Variants in ARHGEF28 observed in about 807,000 individuals in gnomAD.
The protein encoded by ARHGEF28 is Rho guanine nucleotide exchange factor 28.
A neutral mutation model predicts 206.6 loss-of-function variants in ARHGEF28; 152 were observed. That is an observed-to-expected ratio of 0.74 (90% CI 0.64 to 0.84). The LOEUF is 0.84. Ranked by LOEUF, ARHGEF28 falls within the 40% of genes least tolerant of loss-of-function variation. The pLI, the probability that ARHGEF28 is intolerant of heterozygous loss-of-function variation, is 0.00. For synonymous variants in ARHGEF28, 763 were observed against 776.4 expected, an observed-to-expected ratio of 0.98 and a Z score of 0.29; for missense variants, 2,028 against 2,073.2, an observed-to-expected ratio of 0.98 and a Z score of 0.42.
chr5:73,813,523 T>C, intron 9 of ARHGEF28: 1 of 1,528,726 alleles, frequency 6.5e-7, no homozygotes, highest in Non-Finnish European at 8.8e-7. Flanking sequence ...GCCTCCTGGC[T>C]GGGGACGCCC....
chr5:73,774,011 A>C lies in ARHGEF28; in HGVS notation c.632A>C (p.His211Pro), dbSNP rs769691914. ...TPLDLALREG[H>P]SKLVEDVTNF... ...TTAGACTTAGCTTTACGTGAAGGACACTCCAAGCTGGTGGAAGACGTCACA... is the reference window on the plus strand; with the variant it reads ...TTAGACTTAGCTTTACGTGAAGGACCCTCCAAGCTGGTGGAAGACGTCACA... Residue 211 changes from histidine to proline, a missense_variant, in exon 5 of 36, where the codon CAC becomes CCC. Physicochemically the swap from His to Pro is moderately conservative, Grantham distance 77. Around this residue, in one of 3 missense-constraint regions of ARHGEF28, gnomAD observed 1,002 missense variants for 1,015.3 expected, o/e 0.99. Transcript: ENST00000513042. 4.1e-5 allele frequency: 65 copies of C among 1,599,814 alleles called. No individual in the cohort carries two copies. The highest frequency in any genetic ancestry group is 5.5e-5 in the Non-Finnish European group (64 of 1,173,234).
Position 73,909,773 on chromosome 5 carries a change from G to A in ARHGEF28, c.4523G>A (p.Arg1508Lys), listed in dbSNP as rs958738410. The A allele has an allele frequency of 1.4e-5, 21 of 1,514,252 alleles. No individual in the cohort carries two copies. Among genetic ancestry groups the A allele is most frequent in the Non-Finnish European group, 1.9e-5 (21 of 1,134,066 alleles). 93.8% of individuals were successfully genotyped at this position (1,514,252 alleles called of 1,614,324 possible). The part of the protein sequence containing the change: ...QEYQHSLERL[R>K]EGQRLVEREQ... ...TACCAGCACAGCCTGGAGCGGCTGA[G>A]GGAGGGCCAGCGCCTGGTGGAGAGG... The change falls in exon 34 of 36, where the codon AGG becomes AAG. Residue 1508 changes from arginine to lysine, a missense_variant. Coordinates refer to ENST00000513042, the MANE Select transcript of ARHGEF28 (RefSeq NM_001177693.2).
intron 18 of ARHGEF28, among the ~76,000 whole-genome samples, chr5:73,867,589 A>G (rs1759789969): frequency 2.6e-5 from 4 of 152,212 alleles, no homozygotes; most frequent in Admixed American, 2.6e-4. Flanking sequence ...AACCTGGCGC[A>G]GTATTTCCCC....
intron 1 of ARHGEF28, among the ~76,000 whole-genome samples, chr5:73,630,929 G>A (rs974452180): frequency 1.3e-5 from 2 of 152,234 alleles, no homozygotes; most frequent in African/African-American, 4.8e-5. Context: ...ATGATGAGCT[G>A]TCACTCTTAT....
intron 2 of ARHGEF28, among the ~76,000 whole-genome samples, chr5:73,725,167 G>A (rs768096653): frequency 6.6e-6 from 1 of 152,088 alleles, no homozygotes. Context: ...AATATTTTCT[G>A]TGTCATTAAA....
intron 2 of ARHGEF28, among the ~76,000 whole-genome samples, chr5:73,749,289 A>G (rs2112395237): frequency 6.6e-6 from 1 of 152,354 alleles, no homozygotes; most frequent in African/African-American, 2.4e-5. Context: ...AAGAATAATT[A>G]TCATGAACTT....
rs796501461 is a variant in ARHGEF28, at chr5:73,896,073, G to A, written c.3841+1498G>A. Among the ~76,000 whole-genome samples the A allele has an allele frequency of 1.3e-4, 20 of 152,242 alleles. 1 individual carries two copies. The highest frequency in any genetic ancestry group is 4.8e-4 in the African/African-American group (20 of 41,530). On this transcript the variant is annotated intron_variant, in intron 29 of 35. Transcript: ENST00000513042. ...ATGCTTTTGTAAAACTTTTAGTGAG[G>A]AAAGACAGACAATACTTACGGAAAA...
In ARHGEF28 at chr5:73,727,857, A is replaced by G. The variant is rs1561360949; in HGVS notation, c.34-21980A>G. Among the ~76,000 whole-genome samples, 4 of 152,264 alleles carry G rather than the reference A, an allele frequency of 2.6e-5. No individual in the cohort carries two copies. In the East Asian group the frequency reaches 7.7e-4, roughly 29 times the overall value. On this transcript the variant is annotated intron_variant, in intron 2 of 35. Transcript: ENST00000513042. ...CAATGCAGAGGACCATGGGGTCATC[A>G]CCTTCCCTGTTCTGCCTACTGTCCT... is the stretch of plus-strand genomic sequence containing the variant.
chr5:73,905,850 T>C (rs554165842), intron 33 of ARHGEF28, among the ~76,000 whole-genome samples: 25 of 152,342 alleles, frequency 1.6e-4, no homozygotes, highest in African/African-American at 5.5e-4. Context: ...AATAATCAAA[T>C]CAACCACCAT....
intron 11 of ARHGEF28, among the ~76,000 whole-genome samples, chr5:73,843,699 A>G (rs1453970533): frequency 2.0e-5 from 3 of 152,210 alleles, no homozygotes; most frequent in Non-Finnish European, 2.9e-5. Flanking sequence ...AAATATGTAT[A>G]CTATGTAACC....
chr5:73,866,760 T>C (rs1288565726), intron 18 of ARHGEF28, among the ~76,000 whole-genome samples: 5 of 152,224 alleles, frequency 3.3e-5, no homozygotes, highest in African/African-American at 9.6e-5. Flanking sequence ...CGCCAATGTC[T>C]CCTAAATTTG....
At chr5:73,813,649 A>G (rs1377598841) in intron 9 of ARHGEF28, 13 of 1,535,752 alleles carry the variant, frequency 8.5e-6, no homozygotes, top group Non-Finnish European at 1.0e-5. Flanking sequence ...CAAAATGAAG[A>G]TTCGAAGAAG....
chr5:73,878,624 T>A (rs1760694174), intron 22 of ARHGEF28, among the ~76,000 whole-genome samples: 1 of 150,450 alleles, frequency 6.6e-6, no homozygotes, highest in Non-Finnish European at 1.5e-5. Context: ...GGCCTGGTGG[T>A]GACAAAATCT....
At chr5:73,662,233 T>A (rs1163557436) in intron 1 of ARHGEF28, among the ~76,000 whole-genome samples, 1 of 152,236 alleles carries the variant, frequency 6.6e-6, no homozygotes, top group East Asian at 1.9e-4. Context: ...CTAGTGTCTT[T>A]ATAATAGTGC....
intron 35 of ARHGEF28, among the ~76,000 whole-genome samples, chr5:73,927,800 T>C (rs1321269693): frequency 6.6e-6 from 1 of 152,230 alleles, no homozygotes; most frequent in Admixed American, 6.5e-5. Context: ...GGACCTTTAT[T>C]CTTATAACAA....
intron 1 of ARHGEF28, among the ~76,000 whole-genome samples, chr5:73,667,750 T>C (rs1746053170): frequency 1.3e-5 from 2 of 152,374 alleles, no homozygotes; most frequent in African/African-American, 4.8e-5. Flanking sequence ...TCTCTCATTT[T>C]ATTATAAGTG....
In ARHGEF28 at chr5:73,760,376, C is replaced by G. The variant is rs187502649; in HGVS notation, c.475+7174C>G. Among the ~76,000 whole-genome samples, 156 of 151,278 alleles carry G rather than the reference C, an allele frequency of 1.0e-3. 2 individuals are homozygous for G. Among genetic ancestry groups the G allele is most frequent in the African/African-American group, 3.5e-3 (146 of 41,228 alleles). ...TGATTCAGGGGTTTTGTATGTTTCTCTTGGAAATCTTGACATTTTTCAAGG... is the reference window on the plus strand; with the variant it reads ...TGATTCAGGGGTTTTGTATGTTTCTGTTGGAAATCTTGACATTTTTCAAGG... On this transcript the variant is annotated intron_variant, in intron 4 of 35. Transcript: ENST00000513042.
At position 73,727,414 on chromosome 5, in the gene ARHGEF28, A is replaced by G. The variant is rs141310340; in HGVS notation, c.34-22423A>G. 3.3e-3 allele frequency among the ~76,000 whole-genome samples: 506 copies of G among 152,316 alleles called. 2 individuals carry two copies. The highest frequency in any genetic ancestry group is 0.011 in the African/African-American group (476 of 41,576). ...TCCACTGTAAGTTTGAATGATTTTT[A>G]TCATGGAATCTTATGTGTAGCAATT... On this transcript the variant is annotated intron_variant, in intron 2 of 35. Coordinates refer to ENST00000513042, the MANE Select transcript of ARHGEF28 (RefSeq NM_001177693.2).
chr5:73,703,018 G>T (rs988148532), intron 2 of ARHGEF28, among the ~76,000 whole-genome samples: 5 of 152,204 alleles, frequency 3.3e-5, no homozygotes, highest in Non-Finnish European at 5.9e-5. Context: ...TAGGAAAAGT[G>T]ATAGATCAGA....
Sources: allele counts gnomAD v4.1 joint callset (sites outside exome capture counted in the v4.1 genomes callset), GRCh38; gene constraint gnomAD v4.1.1; regional missense constraint gnomAD v4.1.1; transcripts MANE v1.5; gene names NCBI Gene and HGNC (gene_info 2026-07-23, HGNC 2026-07-21).